The following VAT1L variants were observed in gnomAD, a reference collection of about 807,000 sequenced individuals.
VAT1L encodes vesicle amine transport 1 like, also known as putative NADPH-dependent quinone oxidoreductase VAT1L.
Under a neutral mutation model 44.1 loss-of-function variants are expected in VAT1L, and 34 were observed. That is an observed-to-expected ratio of 0.77 (90% CI 0.59 to 1.03). The LOEUF (loss-of-function observed/expected upper bound fraction) is 1.03. Ranked by LOEUF, VAT1L falls within the 50% of genes least tolerant of loss-of-function variation. The pLI is 0.00. For missense variants in VAT1L, 615 were observed against 538.8 expected (o/e 1.14, Z -1.40); for synonymous variants, 253 against 202.2 (o/e 1.25, Z -2.13).
intron 7 of VAT1L, among the ~76,000 whole-genome samples, chr16:77,915,419 T>TTAA (rs771693278): frequency 7.9e-5 from 12 of 152,232 alleles, no homozygotes; most frequent in Non-Finnish European, 2.9e-5. Flanking sequence ...GATACACAGA[T>TTAA]GTTTAGAGTC....
chr16:77,829,047 G>A (rs1216184680), intron 3 of VAT1L, among the ~76,000 whole-genome samples: 2 of 152,164 alleles, frequency 1.3e-5, no homozygotes, highest in Admixed American at 6.5e-5. Flanking sequence ...GCAGAGGCCT[G>A]AAGAAAATCA....
chr16:77,829,322 T>G lies in VAT1L; in HGVS notation c.579+3861T>G, dbSNP rs761229221. On this transcript the variant is annotated intron_variant, in intron 3 of 8. Transcript: ENST00000302536. ...ACCTAGTAATAGCTGGGGCAAAGTT[T>G]CCTAAATAGGGTTATGTAAAGTGTG... 2.0e-4 allele frequency among the ~76,000 whole-genome samples: 30 copies of G among 152,350 alleles called. No homozygotes were observed. The South Asian group carries it at 2.5e-3, about 13-fold the overall frequency.
chr16:77,917,446 A>G (rs2017563337), intron 7 of VAT1L, among the ~76,000 whole-genome samples: 1 of 152,242 alleles, frequency 6.6e-6, no homozygotes, highest in Admixed American at 6.5e-5. Context: ...GTTTCAGTGC[A>G]AATGTAACAG....
At chr16:77,790,198 G>A (rs1208655164) in intron 1 of VAT1L, among the ~76,000 whole-genome samples, 2 of 152,180 alleles carry the variant, frequency 1.3e-5, no homozygotes, top group South Asian at 4.2e-4. Flanking sequence ...AGCAGCCGCT[G>A]ATCCCTGCCT....
intron 7 of VAT1L, among the ~76,000 whole-genome samples, chr16:77,957,385 C>T (rs35476401): frequency 0.06 from 9,175 of 152,186 alleles, 402 homozygotes; most frequent in South Asian, 0.19. Flanking sequence ...ATCTTTCTCC[C>T]TGAGTTGAGG....
chr16:77,897,540 G>A (rs1027081048), intron 7 of VAT1L, among the ~76,000 whole-genome samples: 9 of 152,074 alleles, frequency 5.9e-5, no homozygotes, highest in Non-Finnish European at 8.8e-5. Flanking sequence ...GTGCAATCTC[G>A]GCTCACTGCA....
At chr16:77,849,569 G>C (rs1289628085) in intron 3 of VAT1L, among the ~76,000 whole-genome samples, 1 of 152,202 alleles carries the variant, frequency 6.6e-6, no homozygotes, top group East Asian at 1.9e-4. Flanking sequence ...AAGAAAGCCA[G>C]TTAACTTTGA....
intron 8 of VAT1L, 151 bp from the exon 9 acceptor site, chr16:77,977,446 A>G: frequency 1.4e-6 from 1 of 692,380 alleles, no homozygotes; most frequent in Admixed American, 2.7e-5. Context: ...GGTGCCCAAC[A>G]TATGACAGCT....
intron 7 of VAT1L, among the ~76,000 whole-genome samples, chr16:77,940,323 G>T (rs752029497): frequency 6.7e-6 from 1 of 148,872 alleles, no homozygotes; most frequent in African/African-American, 2.5e-5. Context: ...TACAAGCCAG[G>T]TCTAACATAC....
intron 7 of VAT1L, among the ~76,000 whole-genome samples, chr16:77,920,799 C>G (rs1035471791): frequency 6.6e-6 from 1 of 152,074 alleles, no homozygotes; most frequent in South Asian, 2.1e-4. Flanking sequence ...CTGTACCATA[C>G]GGCCTAGGTG....
At chr16:77,962,363 C>T (rs963109152) in intron 7 of VAT1L, among the ~76,000 whole-genome samples, 1 of 152,098 alleles carries the variant, frequency 6.6e-6, no homozygotes, top group Non-Finnish European at 1.5e-5. Context: ...CTTTGCTTTG[C>T]ATGGCTGTCC....
intron 4 of VAT1L, among the ~76,000 whole-genome samples, chr16:77,874,603 C>T (rs2017067812): frequency 6.6e-6 from 1 of 152,056 alleles, no homozygotes; most frequent in South Asian, 2.1e-4. Context: ...CTATTTAACT[C>T]CTTCCCTTCC....
chr16:77,851,350 G>A (rs1016061149), intron 3 of VAT1L, among the ~76,000 whole-genome samples: 1 of 152,212 alleles, frequency 6.6e-6, no homozygotes, highest in Non-Finnish European at 1.5e-5. Flanking sequence ...AGTCTTTAGA[G>A]TAAGAAGAGC....
At chr16:77,962,605 G>A (rs879345396) in intron 7 of VAT1L, among the ~76,000 whole-genome samples, 9 of 152,006 alleles carry the variant, frequency 5.9e-5, no homozygotes, top group African/African-American at 9.6e-5. Context: ...GAAATAGGCC[G>A]GGAGCAGTGG....
intron 7 of VAT1L, among the ~76,000 whole-genome samples, chr16:77,942,372 G>C (rs1224975177): frequency 6.6e-6 from 1 of 152,092 alleles, no homozygotes; most frequent in Non-Finnish European, 1.5e-5. Context: ...TGGAAATTGT[G>C]GGAACTGCAA....
In VAT1L at chr16:77,884,146, AG is replaced by A. The variant is rs1276581106; in HGVS notation, c.883-461del. ...CTATTGCTTCCCATGCACTTGCAACAGTGCCTAGAAAAATAGATGCTTTTAA... is the reference window on the plus strand; with the variant it reads ...CTATTGCTTCCCATGCACTTGCAACATGCCTAGAAAAATAGATGCTTTTAA... On this transcript the variant is annotated intron_variant, in intron 6 of 8. Coordinates refer to ENST00000302536, the MANE Select transcript of VAT1L (RefSeq NM_020927.3). The surrounding 1 kb of genome is among the most constrained non-coding windows in gnomAD (Gnocchi z 4.5). Among the ~76,000 whole-genome samples the A allele has an allele frequency of 3.3e-5, 5 of 152,158 alleles. No homozygotes were observed. The highest frequency in any genetic ancestry group is 1.2e-4 in the African/African-American group (5 of 41,428).
chr16:77,935,271 G>T, intron 7 of VAT1L, among the ~76,000 whole-genome samples: 1 of 152,134 alleles, frequency 6.6e-6, no homozygotes, highest in East Asian at 1.9e-4. Context: ...AGTGATAATT[G>T]AGACTTTTTT....
At chr16:77,953,783 A>G (rs569064310) in intron 7 of VAT1L, among the ~76,000 whole-genome samples, 1 of 152,106 alleles carries the variant, frequency 6.6e-6, no homozygotes, top group East Asian at 1.9e-4. Flanking sequence ...GGCATGAGCC[A>G]TCTTGCCCAG....
intron 7 of VAT1L, among the ~76,000 whole-genome samples, chr16:77,906,931 G>C (rs561296812): frequency 6.6e-6 from 1 of 152,304 alleles, no homozygotes; most frequent in South Asian, 2.1e-4. Flanking sequence ...TGATGTAGAA[G>C]AGGTGTTCAA....
Sources: gnomAD v4.1 joint callset for allele counts (sites outside exome capture counted in the v4.1 genomes callset) on GRCh38, gnomAD v4.1.1 for gene constraint, Gnocchi (gnomAD v3.1) non-coding constraint, MANE v1.5 for transcripts, NCBI Gene and HGNC (gene_info 2026-07-23, HGNC 2026-07-21) for gene names.